ADAM30: variants seen among roughly 807,000 people sequenced by gnomAD.
ADAM30 encodes disintegrin and metalloproteinase domain-containing protein 30.
For missense variants in ADAM30, 960 were observed against 959.4 expected (o/e 1.00, Z -0.01); for synonymous variants, 382 against 340.9 (o/e 1.12, Z -1.33).
chr1:119,893,735 A>T lies in ADAM30; in HGVS notation c.*229T>A. On this transcript the variant is annotated 3_prime_UTR_variant, in exon 1 of 1. Transcript: ENST00000369400. ...TGTATGGAAAAGCCATTAGAGCATG[A>T]TTCTCAGAATACCCACAACTTGGTC... The T allele has an allele frequency of 1.3e-6, 1 of 774,490 alleles. No individual in the cohort carries two copies. Among genetic ancestry groups the T allele is most frequent in the South Asian group, 2.2e-5 (1 of 44,878 alleles). 48.0% of individuals were successfully genotyped at this position (774,490 alleles called of 1,614,324 possible). A position where few individuals can be genotyped will look rare whatever the true frequency, so the allele number is the denominator to read the frequency against.
At position 119,896,289 on chromosome 1, in the gene ADAM30, TAGA is replaced by T; in HGVS notation, c.45_47del (p.Leu17del). ...ACTTAAGGAGCATTGTCGGAACTAG[TAGA>T]AGGAGCAAACGGCATTGGGAGAGGA... On this transcript the variant is annotated inframe_deletion, in exon 1 of 1. Transcript: ENST00000369400. The T allele has an allele frequency of 6.2e-7, 1 of 1,608,850 alleles. No individual in the cohort carries two copies. Among genetic ancestry groups the T allele is most frequent in the Non-Finnish European group, 8.5e-7 (1 of 1,177,368 alleles).
rs6668119 is a variant in ADAM30 at position 119,896,486 on chromosome 1, G to C, written c.-150C>G. 0.12 allele frequency: 154,773 copies of C among 1,304,974 alleles called. 11,524 individuals are homozygous for C. The highest frequency in any genetic ancestry group is 0.32 in the African/African-American group (21,746 of 66,956). The allele number at this position is 1,304,974 out of a possible 1,614,324, so 80.8% of individuals were successfully genotyped here. A position where few individuals can be genotyped will look rare whatever the true frequency, so the allele number is the denominator to read the frequency against. ...TCCGGGGGAGCCCGTAGCCTCCCAG[G>C]GCTCGGTCTAGCTGGCGTCCGCAAT... On this transcript the variant is annotated 5_prime_UTR_variant, in exon 1 of 1. Coordinates refer to ENST00000369400, the MANE Select transcript of ADAM30 (RefSeq NM_021794.4).
chr1:119,896,286 T>C lies in ADAM30; in HGVS notation c.51A>G (p.Leu17=). The change falls in exon 1 of 1, where the codon CTA becomes CTG. Residue 17 remains leucine (L), a synonymous_variant. Coordinates refer to ENST00000369400, the MANE Select transcript of ADAM30 (RefSeq NM_021794.4). ...FLSQCRLLLL[L]VPTMLLKSLG... is the part of the protein sequence containing the mutation. ...GAGACTTAAGGAGCATTGTCGGAAC[T>C]AGTAGAAGGAGCAAACGGCATTGGG... 1.9e-6 allele frequency: 3 copies of C among 1,609,806 alleles called. No individual in the cohort carries two copies. Among genetic ancestry groups the C allele is most frequent in the East Asian group, 2.2e-5 (1 of 44,864 alleles).
At position 119,895,826 on chromosome 1, in the gene ADAM30, C is replaced by A; in HGVS notation, c.511G>T (p.Val171Phe). 6.2e-7 allele frequency: 1 copy of A among 1,614,140 alleles called. No homozygotes were observed. Residue 171 changes from valine (V) to phenylalanine (F), a missense_variant, in exon 1 of 1, where the codon GTT (valine) becomes TTT (phenylalanine). Physicochemically the swap from Val to Phe is conservative, Grantham distance 50. Coordinates refer to ENST00000369400, the MANE Select transcript of ADAM30 (RefSeq NM_021794.4). The stretch of plus-strand genomic sequence containing the variant: ...ATTTCATCATCACTTAAGCCACAAA[C>A]CTGATTCCCAAACTGCTCTTTCTTC... ...LLKKEQFGNQVCGLSDDEIEW... is the reference protein window; with the variant it reads ...LLKKEQFGNQFCGLSDDEIEW...
At position 119,894,412 on chromosome 1, in the gene ADAM30, C is replaced by A. The variant is rs1648513406; in HGVS notation, c.1925G>T (p.Gly642Val). 1 of 1,614,180 alleles carries A rather than the reference C, an allele frequency of 6.2e-7. No individual in the cohort carries two copies. The highest frequency in any genetic ancestry group is 8.5e-7 in the Non-Finnish European group (1 of 1,180,028). Residue 642 changes from glycine to valine, a missense_variant, in exon 1 of 1, where the codon GGT (glycine) becomes GTT (valine). Transcript: ENST00000369400. ...GCAGTTTTTTCTGTTGTTGCAAACA[C>A]CCCGGGTATTGCATTTCTCAGGCAA... is the stretch of plus-strand genomic sequence containing the variant. ...DCLPEKCNTR[G>V]VCNNRKNCHC...
In ADAM30 at chr1:119,894,859, C is replaced by T; in HGVS notation, c.1478G>A (p.Gly493Asp). The change falls in exon 1 of 1, where the codon GGC becomes GAC. Residue 493 changes from glycine to aspartate, a missense_variant. Physicochemically the swap from Gly to Asp is moderately conservative, Grantham distance 94 (BLOSUM62 -1). Transcript: ENST00000369400. The stretch of plus-strand genomic sequence containing the variant: ...TCTGCACCCCTTCCTGAAACAACGG[C>T]CTTCATACTTGCAAGGGGTTCCATC... ...KQDGTPCKYE[G>D]RCFRKGCRSR... 1 of 1,614,166 alleles carries T rather than the reference C, an allele frequency of 6.2e-7. No individual in the cohort carries two copies. The highest frequency in any genetic ancestry group is 2.2e-5 in the East Asian group (1 of 44,892).
Position 119,894,595 on chromosome 1 carries a change from G to T in ADAM30, c.1742C>A (p.Ala581Glu). The stretch of plus-strand genomic sequence containing the variant: ...TGTGCCCCAGCACATGAGATTTTCT[G>T]CCTGTAAATGAGTAGAAATTATAGT... ...HTTIISTHLQAENLMCWGTGY... is the reference protein window; with the variant it reads ...HTTIISTHLQEENLMCWGTGY... Residue 581 changes from alanine (A) to glutamate (E), a missense_variant, in exon 1 of 1, where the codon GCA becomes GAA. Coordinates refer to ENST00000369400, the MANE Select transcript of ADAM30 (RefSeq NM_021794.4). The T allele has an allele frequency of 6.2e-7, 1 of 1,614,108 alleles. No homozygotes were observed. Among genetic ancestry groups the T allele is most frequent in the South Asian group, 1.1e-5 (1 of 91,082 alleles).
In ADAM30 at chr1:119,894,127, G is replaced by C; in HGVS notation, c.2210C>G (p.Thr737Arg). 1 of 1,613,066 alleles carries C rather than the reference G, an allele frequency of 6.2e-7. No individual in the cohort carries two copies. Among genetic ancestry groups the C allele is most frequent in the Non-Finnish European group, 8.5e-7 (1 of 1,179,512 alleles). ...TTTAGATTCTTCCTGTACAGTTTTT[G>C]TTTTAGATTCTTCCTGTTCAGTTTT... Reference protein sequence around the residue: ...KAKTEQEESKTKTVQEESKTK... With the variant: ...KAKTEQEESKRKTVQEESKTK... The change falls in exon 1 of 1, where the codon ACA (threonine) becomes AGA (arginine). Residue 737 changes from threonine (T) to arginine (R), a missense_variant. Thr to Arg is a moderately conservative substitution (Grantham distance 71). Coordinates refer to ENST00000369400, the MANE Select transcript of ADAM30 (RefSeq NM_021794.4).
rs778495308 is a variant in ADAM30 at position 119,894,095 on chromosome 1, T to C, written c.2242A>G (p.Thr748Ala). 3 of 1,613,436 alleles carry C rather than the reference T, an allele frequency of 1.9e-6. No homozygotes were observed. The highest frequency in any genetic ancestry group is 2.5e-6 in the Non-Finnish European group (3 of 1,179,548). ...TTTGCTTCAGATTCTTCCTGTCCAG[T>C]TTTTGTTTTAGATTCTTCCTGTACA... Reference protein sequence around the residue: ...KTVQEESKTKTGQEESEAKTG... With the variant: ...KTVQEESKTKAGQEESEAKTG... The change falls in exon 1 of 1, where the codon ACT becomes GCT. Residue 748 changes from threonine to alanine, a missense_variant. Coordinates refer to ENST00000369400, the MANE Select transcript of ADAM30 (RefSeq NM_021794.4).
Position 119,896,023 on chromosome 1 carries a change from T to C in ADAM30, c.314A>G (p.Tyr105Cys). The C allele has an allele frequency of 6.2e-7, 1 of 1,614,108 alleles. No individual in the cohort carries two copies. Among genetic ancestry groups the C allele is most frequent in the Non-Finnish European group, 8.5e-7 (1 of 1,180,030 alleles). ...EHGELLEDHP[Y>C]IPKDCNYMGS... ...CATGTAGTTGCAGTCCTTTGGTATG[T>C]AAGGATGATCCTCCAGCAGTTCCCC... The change falls in exon 1 of 1, where the codon TAC becomes TGC. Residue 105 changes from tyrosine (Y) to cysteine (C), a missense_variant. Transcript: ENST00000369400.
In ADAM30 at chr1:119,896,512, G is replaced by A; in HGVS notation, c.-176C>T. On this transcript the variant is annotated 5_prime_UTR_variant, in exon 1 of 1. Transcript: ENST00000369400. The stretch of plus-strand genomic sequence containing the variant: ...GCTCGGTCTAGCTGGCGTCCGCAAT[G>A]CGCGCGTGACCTGTCCAACGCATCC... 2.0e-6 allele frequency: 2 copies of A among 982,354 alleles called. No individual in the cohort carries two copies. The highest frequency in any genetic ancestry group is 4.2e-5 in the South Asian group (2 of 47,348). The allele number at this position is 982,354 out of a possible 1,614,324, so 60.9% of individuals were successfully genotyped here.
In ADAM30 at chr1:119,894,474, T is replaced by G. The variant is rs758557791; in HGVS notation, c.1863A>C (p.Lys621Asn). 1.2e-6 allele frequency: 2 copies of G among 1,614,086 alleles called. No individual in the cohort carries two copies. The highest frequency in any genetic ancestry group is 2.7e-5 in the African/African-American group (2 of 74,938). Residue 621 changes from lysine to asparagine, a missense_variant, in exon 1 of 1, where the codon AAA becomes AAC. Lys to Asn is a moderately conservative substitution (Grantham distance 94). Transcript: ENST00000369400. The part of the protein sequence containing the change: ...SCGEGRVCFK[K>N]NCVNSSVLQF... Reference sequence around the variant, plus strand: ...GCAGGACTGAGCTATTGACGCAATTTTTTTTAAAACATACCCGGCCTTCTC... The same window carrying G: ...GCAGGACTGAGCTATTGACGCAATTGTTTTTAAAACATACCCGGCCTTCTC...
chr1:119,893,988 C>T lies in ADAM30; in HGVS notation c.2349G>A (p.Lys783=). ...GTTACTTTTTTTGTTTCTTGACACTCTTTGCTTTGGGTCGTTTACTTTCAA... is the reference window on the plus strand; with the variant it reads ...GTTACTTTTTTTGTTTCTTGACACTTTTTGCTTTGGGTCGTTTACTTTCAA... ...ANIESKRPKA[K]SVKKQKK The change falls in exon 1 of 1, where the codon AAG becomes AAA. Residue 783 remains lysine (K), a synonymous_variant. Coordinates refer to ENST00000369400, the MANE Select transcript of ADAM30 (RefSeq NM_021794.4). 1 of 1,610,740 alleles carries T rather than the reference C, an allele frequency of 6.2e-7. No homozygotes were observed. The highest frequency in any genetic ancestry group is 8.5e-7 in the Non-Finnish European group (1 of 1,179,274).
At position 119,895,858 on chromosome 1, in the gene ADAM30, T is replaced by C; in HGVS notation, c.479A>G (p.Tyr160Cys). Residue 160 changes from tyrosine to cysteine, a missense_variant, in exon 1 of 1, where the codon TAT becomes TGT. Physicochemically the swap from Tyr to Cys is radical, Grantham distance 194. Transcript: ENST00000369400. ...CCCAAACTGCTCTTTCTTCAGGAGA[T>C]AGACGACATGTTCAAAACTGGGAGA... ...KASPSFEHVV[Y>C]LLKKEQFGNQ... 3 of 1,614,192 alleles carry C rather than the reference T, an allele frequency of 1.9e-6. No individual in the cohort carries two copies. The highest frequency in any genetic ancestry group is 3.3e-5 in the Admixed American group (2 of 60,026).
Position 119,894,362 on chromosome 1 carries a change from G to C in ADAM30, c.1975C>G (p.Pro659Ala). The change falls in exon 1 of 1, where the codon CCA becomes GCA. Residue 659 changes from proline to alanine, a missense_variant. By Grantham distance (27) the Pro-to-Ala change is conservative (BLOSUM62 -1). Coordinates refer to ENST00000369400, the MANE Select transcript of ADAM30 (RefSeq NM_021794.4). ...CCATACCCCACTTCCTCACAGAATGGAGGTGCCCACCCATACATGCAGTGG... is the reference window on the plus strand; with the variant it reads ...CCATACCCCACTTCCTCACAGAATGCAGGTGCCCACCCATACATGCAGTGG... ...NCHCMYGWAPPFCEEVGYGGS... is the reference protein window; with the variant it reads ...NCHCMYGWAPAFCEEVGYGGS... The C allele has an allele frequency of 6.2e-7, 1 of 1,614,200 alleles. No individual in the cohort carries two copies. The highest frequency in any genetic ancestry group is 8.5e-7 in the Non-Finnish European group (1 of 1,180,028).
chr1:119,894,010 T>G lies in ADAM30; in HGVS notation c.2327A>C (p.Glu776Ala). 6.2e-7 allele frequency: 1 copy of G among 1,613,456 alleles called. No homozygotes were observed. The highest frequency in any genetic ancestry group is 8.5e-7 in the Non-Finnish European group (1 of 1,179,892). ...ACTCTTTGCTTTGGGTCGTTTACTT[T>G]CAATGTTTGCTTTAGATTCTTCCTG... is the stretch of plus-strand genomic sequence containing the variant. ...TGQEESKANI[E>A]SKRPKAKSVK... is the part of the protein sequence containing the mutation. The change falls in exon 1 of 1, where the codon GAA becomes GCA. Residue 776 changes from glutamate to alanine, a missense_variant. Transcript: ENST00000369400.
rs751480192 is a variant in ADAM30 at position 119,896,340 on chromosome 1, C to G, written c.-4G>C. ...GGAAGATCTGCACTGACCTCATGGT[C>G]TGTTCCCTACTCAGCCTCAGTTTGC... is the stretch of plus-strand genomic sequence containing the variant. On this transcript the variant is annotated 5_prime_UTR_variant, in exon 1 of 1. Transcript: ENST00000369400. 1.9e-6 allele frequency: 3 copies of G among 1,543,178 alleles called. No homozygotes were observed. The highest frequency in any genetic ancestry group is 2.6e-6 in the Non-Finnish European group (3 of 1,144,586).
In ADAM30 at chr1:119,894,751, ATTAAG is replaced by A. The variant is rs1189721705; in HGVS notation, c.1581_1585del (p.Leu528ArgfsTer2). The A allele has an allele frequency of 2.0e-5, 33 of 1,614,118 alleles. No homozygotes were observed. The highest frequency in any genetic ancestry group is 2.5e-5 in the Non-Finnish European group (30 of 1,180,056). On this transcript the variant is annotated frameshift_variant, in exon 1 of 1. Coordinates refer to ENST00000369400, the MANE Select transcript of ADAM30 (RefSeq NM_021794.4). LOFTEE classifies it low-confidence loss of function (END_TRUNC). ...CTCACAGTTACCAAATTGATCACCT[ATTAAG>A]TTAACTGCATCATAGCACTCACTAG...
Position 119,896,093 on chromosome 1 carries a change from G to A in ADAM30, c.244C>T (p.Leu82Phe), listed in dbSNP as rs778622670. The change falls in exon 1 of 1, where the codon CTT becomes TTT. Residue 82 changes from leucine to phenylalanine, a missense_variant. By Grantham distance (22) the Leu-to-Phe change is conservative (BLOSUM62 0). Transcript: ENST00000369400. ...ACGCGCAGATGTCGGGGCAACAGAAGTCTCTTGGGCCACAAATGGAGGACG... is the reference window on the plus strand; with the variant it reads ...ACGCGCAGATGTCGGGGCAACAGAAATCTCTTGGGCCACAAATGGAGGACG... ...KHVLHLWPKR[L>F]LLPRHLRVFS... The A allele has an allele frequency of 6.2e-6, 10 of 1,614,024 alleles. No homozygotes were observed. The highest frequency in any genetic ancestry group is 8.5e-6 in the Non-Finnish European group (10 of 1,180,034).
Sources: allele counts gnomAD v4.1 joint callset, GRCh38; gene constraint gnomAD v4.1.1; transcripts MANE v1.5; gene names NCBI Gene and HGNC (gene_info 2026-07-23, HGNC 2026-07-21).